ADAMTS14: variants seen among roughly 807,000 people sequenced by gnomAD.
ADAMTS14 encodes the protein ADAM metallopeptidase with thrombospondin type 1 motif 14, also known as A disintegrin and metalloproteinase with thrombospondin motifs 14.
A neutral mutation model predicts 128.6 loss-of-function variants in ADAMTS14; 100 were observed. That is an observed-to-expected ratio of 0.78 (90% CI 0.66 to 0.92). The LOEUF (loss-of-function observed/expected upper bound fraction) is 0.92. Ranked by LOEUF, ADAMTS14 falls within the 40% of genes least tolerant of loss-of-function variation. The pLI is 0.00. For synonymous variants in ADAMTS14, 665 were observed against 653.8 expected (o/e 1.02, Z -0.26); for missense variants, 1,562 against 1,658.6 (o/e 0.94, Z 1.01).
At chr10:70,748,674 A>C (rs529438762) in intron 15 of ADAMTS14, among the ~76,000 whole-genome samples, 18 of 152,256 alleles carry the variant, frequency 1.2e-4, no homozygotes, top group African/African-American at 3.6e-4. Flanking sequence ...CCCAGCCCTT[A>C]GGATGTATTT....
In ADAMTS14 at chr10:70,751,650, C is replaced by T. The variant is rs566589358; in HGVS notation, c.2596+4C>T. On this transcript the variant is annotated splice_donor_region_variant and intron_variant, in intron 17 of 21. Coordinates refer to ENST00000373207, the MANE Select transcript of ADAMTS14 (RefSeq NM_080722.4). ...TGCAGCAAGGCCTGTGGAGGAGGTACCGGTTCCCTGACCCGCCAGTGCTTT... is the reference window on the plus strand; with the variant it reads ...TGCAGCAAGGCCTGTGGAGGAGGTATCGGTTCCCTGACCCGCCAGTGCTTT... 3.1e-6 allele frequency: 5 copies of T among 1,600,672 alleles called. No homozygotes were observed. In the South Asian group the frequency reaches 3.3e-5, roughly 11 times the overall value.
intron 4 of ADAMTS14, among the ~76,000 whole-genome samples, chr10:70,719,195 A>G (rs75015670): frequency 0.026 from 4,020 of 152,190 alleles, 150 homozygotes; most frequent in African/African-American, 0.089. Context: ...GACCTATGGT[A>G]TTAGTTCCAA....
Position 70,760,737 on chromosome 10 carries a change from G to C in ADAMTS14, c.3556G>C (p.Gly1186Arg). 6.2e-7 allele frequency: 1 copy of C among 1,614,002 alleles called. No individual in the cohort carries two copies. The highest frequency in any genetic ancestry group is 8.5e-7 in the Non-Finnish European group (1 of 1,179,974). The change falls in exon 22 of 22, where the codon GGG becomes CGG. Residue 1186 changes from glycine (G) to arginine (R), a missense_variant. Transcript: ENST00000373207. Reference protein sequence around the residue: ...SWSISPTTPGGLPWGWTQTPT... With the variant: ...SWSISPTTPGRLPWGWTQTPT... ...GAGCATCTCCCCTACCACCCCCGGG[G>C]GGCTGCCTTGGGGCTGGACTCAGAC...
chr10:70,708,836 A>G, intron 4 of ADAMTS14, 58 bp downstream of exon 4: 1 of 1,170,696 alleles, frequency 8.5e-7, no homozygotes, highest in Non-Finnish European at 1.1e-6. Context: ...GCCCCACCCC[A>G]CCCCACTGGG....
At position 70,729,289 on chromosome 10, in the gene ADAMTS14, T is replaced by C. The variant is rs1248439571; in HGVS notation, c.871-5T>C. ...CTTCCCTTAAACTGTATTTTCTTCTTGCAGGTAGATGAGATTTACCACGAT... is the reference window on the plus strand; with the variant it reads ...CTTCCCTTAAACTGTATTTTCTTCTCGCAGGTAGATGAGATTTACCACGAT... On this transcript the variant is annotated splice_region_variant and splice_polypyrimidine_tract_variant and intron_variant, in intron 4 of 21. Transcript: ENST00000373207. 2 of 1,611,700 alleles carry C rather than the reference T, an allele frequency of 1.2e-6. No homozygotes were observed. Among genetic ancestry groups the C allele is most frequent in the Admixed American group, 1.7e-5 (1 of 59,994 alleles).
intron 15 of ADAMTS14, 112 bp from the exon 16 acceptor site, chr10:70,749,710 G>T: frequency 7.4e-7 from 1 of 1,349,404 alleles, no homozygotes; most frequent in Non-Finnish European, 1.0e-6. Flanking sequence ...AGGAAAGGCC[G>T]GTGGACAGGA....
In ADAMTS14 at chr10:70,711,586, C is replaced by A. The variant is rs529938766; in HGVS notation, c.870+2808C>A. ...TAGTATCCAGGGTATCTAGCACATGCCTGGCACATAGTGGGTACTCAAGTA... is the reference window on the plus strand; with the variant it reads ...TAGTATCCAGGGTATCTAGCACATGACTGGCACATAGTGGGTACTCAAGTA... On this transcript the variant is annotated intron_variant, in intron 4 of 21. Coordinates refer to ENST00000373207, the MANE Select transcript of ADAMTS14 (RefSeq NM_080722.4). 3.9e-5 allele frequency among the ~76,000 whole-genome samples: 6 copies of A among 152,314 alleles called. No individual in the cohort carries two copies. In the East Asian group the frequency reaches 1.2e-3, roughly 29 times the overall value.
chr10:70,740,262 AT>A (rs1841955037), intron 11 of ADAMTS14, among the ~76,000 whole-genome samples: 1 of 152,242 alleles, frequency 6.6e-6, no homozygotes, highest in Non-Finnish European at 1.5e-5. Flanking sequence ...ATTCTCCCAC[AT>A]GTCTATGAGT....
chr10:70,727,432 G>A (rs959266714), intron 4 of ADAMTS14, among the ~76,000 whole-genome samples: 89 of 152,336 alleles, frequency 5.8e-4, no homozygotes, highest in Non-Finnish European at 8.8e-5. Flanking sequence ...TGGAAGTAGT[G>A]AGAGCAAGAC....
At chr10:70,749,764 G>GC in intron 15 of ADAMTS14, 58 bp from the exon 16 acceptor site, 1 of 1,576,014 alleles carries the variant, frequency 6.3e-7, no homozygotes. Flanking sequence ...CATATTCATG[G>GC]CCCGCCCCCT....
chr10:70,709,495 GTTTTTTTTTT>G (rs746940189), intron 4 of ADAMTS14, among the ~76,000 whole-genome samples: 1 of 101,838 alleles, frequency 9.8e-6, no homozygotes, highest in African/African-American at 4.1e-5. Flanking sequence ...AACATTTCCA[GTTTTTTTTTT>G]TTTTTTTTTT....
chr10:70,721,385 T>C (rs1841259019), intron 4 of ADAMTS14, among the ~76,000 whole-genome samples: 1 of 151,014 alleles, frequency 6.6e-6, no homozygotes, highest in Non-Finnish European at 1.5e-5. Flanking sequence ...TTTTTTTTTT[T>C]CTCTTTTCTT....
chr10:70,735,133 G>A (rs1841783730), intron 8 of ADAMTS14, 36 bp from the exon 9 acceptor site: 1 of 1,596,022 alleles, frequency 6.3e-7, no homozygotes, highest in Non-Finnish European at 8.6e-7. Flanking sequence ...ACTTCCTGCT[G>A]TCAGCCTGGC....
Position 70,715,806 on chromosome 10 carries a change from C to T in ADAMTS14, c.870+7028C>T, listed in dbSNP as rs78511424. 9.5e-3 allele frequency among the ~76,000 whole-genome samples: 1,451 copies of T among 152,262 alleles called. 22 individuals are homozygous for T. Among genetic ancestry groups the T allele is most frequent in the African/African-American group, 0.033 (1,388 of 41,532 alleles). On this transcript the variant is annotated intron_variant, in intron 4 of 21. Transcript: ENST00000373207. ...TGCATTCAGAAGGGGGTAGGAAGCCCTCCAATCTGGAGTTATAAGAGACCA... is the reference window on the plus strand; with the variant it reads ...TGCATTCAGAAGGGGGTAGGAAGCCTTCCAATCTGGAGTTATAAGAGACCA...
chr10:70,746,289 G>T (rs995762950), intron 15 of ADAMTS14, among the ~76,000 whole-genome samples: 1 of 152,094 alleles, frequency 6.6e-6, no homozygotes, highest in Non-Finnish European at 1.5e-5. Context: ...TTAAATTAAG[G>T]CCATTAATAT....
chr10:70,692,461 C>T (rs922475376), intron 2 of ADAMTS14, among the ~76,000 whole-genome samples: 25 of 152,078 alleles, frequency 1.6e-4, no homozygotes, highest in African/African-American at 5.1e-4. Flanking sequence ...CCCTCCCCAG[C>T]GAAGCCTCTA....
At chr10:70,708,501 A>T in intron 3 of ADAMTS14, 87 bp from the exon 4 acceptor site, 2 of 1,204,216 alleles carry the variant, frequency 1.7e-6, no homozygotes, top group Non-Finnish European at 2.3e-6. Flanking sequence ...GGCACCAGTG[A>T]TGGGGACAGA....
Position 70,751,569 on chromosome 10 carries a change from A to T in ADAMTS14, c.2519A>T (p.Asn840Ile). ...EDLLPLIGSN[N>I]VLLEEMDTYE... The stretch of plus-strand genomic sequence containing the variant: ...CTGCTGCCCCTTATCGGGAGCAACA[A>T]TGTGCTCCTGGAGGAGATGGACACC... The change falls in exon 17 of 22, where the codon AAT becomes ATT. Residue 840 changes from asparagine (N) to isoleucine (I), a missense_variant. Coordinates refer to ENST00000373207, the MANE Select transcript of ADAMTS14 (RefSeq NM_080722.4). The T allele has an allele frequency of 6.2e-7, 1 of 1,613,790 alleles. No individual in the cohort carries two copies. The highest frequency in any genetic ancestry group is 1.1e-5 in the South Asian group (1 of 91,058).
intron 10 of ADAMTS14, among the ~76,000 whole-genome samples, chr10:70,738,252 C>A (rs1163771039): frequency 1.3e-5 from 2 of 152,132 alleles, no homozygotes; most frequent in African/African-American, 4.8e-5. Flanking sequence ...TGTGCTAAGG[C>A]CTGTATAGAT....
Sources: allele counts gnomAD v4.1 joint callset (sites outside exome capture counted in the v4.1 genomes callset), GRCh38; gene constraint gnomAD v4.1.1; transcripts MANE v1.5; gene names NCBI Gene and HGNC (gene_info 2026-07-23, HGNC 2026-07-21).